ZNF337: variants seen among roughly 807,000 people sequenced by gnomAD.
ZNF337 encodes zinc finger protein 337.
A neutral mutation model predicts 12.1 loss-of-function variants in ZNF337; 8 were observed. The observed-to-expected ratio is 0.66, with a 90% CI of 0.39 to 1.19. ZNF337 has a LOEUF of 1.19. Ranked by LOEUF, ZNF337 falls within the 50% of genes most tolerant of loss-of-function variation. The pLI is 0.01. For synonymous variants in ZNF337, 336 were observed against 320.0 expected (o/e 1.05, Z -0.53); for missense variants, 882 against 896.6 (o/e 0.98, Z 0.21).
At chr20:25,686,332 C>A in intron 2 of ZNF337, 59 bp downstream of exon 2, 1 of 1,521,766 alleles carries the variant, frequency 6.6e-7, no homozygotes, top group African/African-American at 1.4e-5. Flanking sequence ...CTGCTAGGGC[C>A]AGTGAAGGAA....
intron 1 of ZNF337, among the ~76,000 whole-genome samples, 200 bp downstream of exon 1, chr20:25,696,559 G>T (rs1356659090): frequency 6.6e-6 from 1 of 152,214 alleles, no homozygotes; most frequent in African/African-American, 2.4e-5. Context: ...CAGACCCGGG[G>T]CGCTCGGCAA....
At chr20:25,681,641 G>A (rs6107064) in intron 4 of ZNF337, among the ~76,000 whole-genome samples, 1 of 152,052 alleles carries the variant, frequency 6.6e-6, no homozygotes, top group Admixed American at 6.6e-5. Context: ...TGGTGGACGT[G>A]GGGGCAGGAA....
chr20:25,690,787 T>G (rs2065876786), intron 1 of ZNF337, among the ~76,000 whole-genome samples: 1 of 152,198 alleles, frequency 6.6e-6, no homozygotes, highest in Admixed American at 6.5e-5. Context: ...CAAAAAGGCC[T>G]GAGAAAATCT....
chr20:25,687,777 T>C (rs1409545203), intron 1 of ZNF337, among the ~76,000 whole-genome samples: 2 of 152,228 alleles, frequency 1.3e-5, no homozygotes, highest in Non-Finnish European at 2.9e-5. Context: ...ATTTACTGAG[T>C]GTGAGATGAA....
intron 1 of ZNF337, among the ~76,000 whole-genome samples, chr20:25,696,436 C>G (rs1053883496): frequency 6.6e-6 from 1 of 152,158 alleles, no homozygotes; most frequent in Non-Finnish European, 1.5e-5. Flanking sequence ...ACCCGAGGAG[C>G]GGCGACCCTG....
rs917054029 is a variant in ZNF337 at position 25,676,452 on chromosome 20, A to G, written c.836T>C (p.Leu279Pro). The G allele has an allele frequency of 3.1e-6, 5 of 1,613,880 alleles. No individual in the cohort carries two copies. Among genetic ancestry groups the G allele is most frequent in the Non-Finnish European group, 4.2e-6 (5 of 1,179,980 alleles). The change falls in exon 5 of 5, where the codon CTC becomes CCC. Residue 279 changes from leucine to proline, a missense_variant. Coordinates refer to ENST00000252979, the MANE Select transcript of ZNF337 (RefSeq NM_015655.4). Reference sequence around the variant, plus strand: ...TGTGTGTGTTCTCTCATGCACAGTGAGGTATGACTTACTGGTATAGCCTCG... The same window carrying G: ...TGTGTGTGTTCTCTCATGCACAGTGGGGTATGACTTACTGGTATAGCCTCG... ...CGRGYTSKSY[L>P]TVHERTHTGE...
chr20:25,690,681 G>A lies in ZNF337; in HGVS notation c.-49-4215C>T, dbSNP rs930497499. On this transcript the variant is annotated intron_variant, in intron 1 of 4. Coordinates refer to ENST00000252979, the MANE Select transcript of ZNF337 (RefSeq NM_015655.4). ...TGGAGACATACAACAGACCATCAAA[G>A]GCCCAGAGGAGAGACTCTTGGGACA... 2.0e-5 allele frequency among the ~76,000 whole-genome samples: 3 copies of A among 152,174 alleles called. No homozygotes were observed. In the East Asian group the frequency reaches 5.8e-4, roughly 29 times the overall value.
intron 4 of ZNF337, among the ~76,000 whole-genome samples, chr20:25,681,819 A>G (rs1385802025): frequency 6.6e-6 from 1 of 152,250 alleles, no homozygotes; most frequent in Non-Finnish European, 1.5e-5. Context: ...AAGAAACATT[A>G]TAATACTACT....
Position 25,675,257 on chromosome 20 carries a change from C to T in ZNF337, c.2031G>A (p.Arg677=). 6.2e-7 allele frequency: 1 copy of T among 1,614,152 alleles called. No homozygotes were observed. The highest frequency in any genetic ancestry group is 1.3e-5 in the African/African-American group (1 of 75,038). The part of the protein sequence containing the change: ...WKRSLTRHHW[R]IHSKEKPFVC... Reference sequence around the variant, plus strand: ...CAAAAGGCTTCTCCTTTGAGTGTATCCGCCAGTGGTGTCTGGTGAGACTTC... The same window carrying T: ...CAAAAGGCTTCTCCTTTGAGTGTATTCGCCAGTGGTGTCTGGTGAGACTTC... Residue 677 remains arginine (R), a synonymous_variant, in exon 5 of 5, where the codon CGG becomes CGA. Coordinates refer to ENST00000252979, the MANE Select transcript of ZNF337 (RefSeq NM_015655.4).
intron 2 of ZNF337, 29 bp downstream of exon 2, chr20:25,686,362 G>GC: frequency 6.2e-7 from 1 of 1,600,636 alleles, no homozygotes; most frequent in East Asian, 2.2e-5. Flanking sequence ...TCCTGTGACA[G>GC]CAAGAACGAC....
intron 3 of ZNF337, 64 bp downstream of exon 3, chr20:25,685,932 A>T: frequency 6.4e-7 from 1 of 1,561,332 alleles, no homozygotes; most frequent in South Asian, 1.2e-5. Flanking sequence ...CTCTGAACCT[A>T]ACCCTATGGC....
At chr20:25,693,369 G>A (rs985967812) in intron 1 of ZNF337, among the ~76,000 whole-genome samples, 2 of 152,156 alleles carry the variant, frequency 1.3e-5, no homozygotes, top group African/African-American at 2.4e-5. Flanking sequence ...GGGCCACCAC[G>A]CCAAGCCGTA....
chr20:25,677,972 G>T (rs2065724764), intron 4 of ZNF337: 1 of 152,042 alleles, frequency 6.6e-6, no homozygotes, highest in Non-Finnish European at 1.5e-5. Context: ...TTTCCTCTAA[G>T]AACTGGAAGA....
Position 25,696,796 on chromosome 20 carries a change from C to T in ZNF337, c.-87G>A. ...GGGCGAACCGAGGCGGTGAGGTCAC[C>T]GATGGTGGACCACGCATCTCACGGC... On this transcript the variant is annotated 5_prime_UTR_variant, in exon 1 of 5. Coordinates refer to ENST00000252979, the MANE Select transcript of ZNF337 (RefSeq NM_015655.4). The T allele has an allele frequency of 1.0e-6, 1 of 985,520 alleles. No individual in the cohort carries two copies. Among genetic ancestry groups the T allele is most frequent in the African/African-American group, 1.7e-5 (1 of 57,372 alleles). 61.0% of individuals were successfully genotyped at this position (985,520 alleles called of 1,614,324 possible). A position where few individuals can be genotyped will look rare whatever the true frequency, so the allele number is the denominator to read the frequency against.
At chr20:25,695,442 C>T (rs991999036) in intron 1 of ZNF337, among the ~76,000 whole-genome samples, 8 of 152,248 alleles carry the variant, frequency 5.3e-5, no homozygotes, top group Non-Finnish European at 1.2e-4. Context: ...GCTTAAGTCT[C>T]TCAACCAACT....
chr20:25,690,505 C>T (rs906146391), intron 1 of ZNF337, among the ~76,000 whole-genome samples: 1 of 152,186 alleles, frequency 6.6e-6, no homozygotes, highest in Non-Finnish European at 1.5e-5. Context: ...GCACAGTAGA[C>T]CTTTCTTACA....
At position 25,686,023 on chromosome 20, in the gene ZNF337, C is replaced by G; in HGVS notation, c.127G>C (p.Glu43Gln). The G allele has an allele frequency of 6.2e-7, 1 of 1,613,312 alleles. No homozygotes were observed. Among genetic ancestry groups the G allele is most frequent in the South Asian group, 1.1e-5 (1 of 91,002 alleles). The change falls in exon 3 of 5, where the codon GAG becomes CAG. Residue 43 changes from glutamate (E) to glutamine (Q), a missense_variant. Transcript: ENST00000252979. ...AGTGAGACCAGGTGGCTGTAGTTCT[C>G]CAGTGTCACCTCCCTGTACAGGGCC... ...QRALYREVTL[E>Q]NYSHLVSLGI... is the part of the protein sequence containing the mutation.
intron 1 of ZNF337, among the ~76,000 whole-genome samples, chr20:25,695,708 ATTT>A (rs1385231456): frequency 6.6e-6 from 1 of 151,854 alleles, no homozygotes; most frequent in African/African-American, 2.4e-5. Context: ...CGCCCCGCTA[ATTT>A]TTTTATTTTT....
chr20:25,695,258 A>G (rs1291654171), intron 1 of ZNF337, among the ~76,000 whole-genome samples: 1 of 152,030 alleles, frequency 6.6e-6, no homozygotes, highest in African/African-American at 2.4e-5. Context: ...GCGACAGAGC[A>G]AGACTCTCTC....
Sources: gnomAD v4.1 joint callset for allele counts (sites outside exome capture counted in the v4.1 genomes callset) on GRCh38, gnomAD v4.1.1 for gene constraint, MANE v1.5 for transcripts, NCBI Gene and HGNC (gene_info 2026-07-23, HGNC 2026-07-21) for gene names.